Variants in MAGI1 observed in about 807,000 individuals in gnomAD.
The protein encoded by MAGI1 is membrane-associated guanylate kinase, WW and PDZ domain-containing protein 1.
In MAGI1, 58 loss-of-function variants were observed where a neutral mutation model predicts 139.9. That is an observed-to-expected ratio of 0.41 (90% CI 0.34 to 0.52). The LOEUF (loss-of-function observed/expected upper bound fraction) is 0.52, where lower values mean the gene tolerates loss of function less well. MAGI1 is among the 20% of genes least tolerant of loss of function. The pLI, the probability that MAGI1 is intolerant of heterozygous loss-of-function variation, is 0.12. For synonymous variants in MAGI1, 812 were observed against 737.9 expected (o/e 1.10, Z -1.63); for missense variants, 1,874 against 1,901.6 (o/e 0.99, Z 0.27).
At chr3:65,512,767 A>G (rs1309767687) in intron 2 of MAGI1, among the ~76,000 whole-genome samples, 30 of 148,160 alleles carry the variant, frequency 2.0e-4, no homozygotes, top group African/African-American at 7.1e-4. Flanking sequence ...AACTATTCCA[A>G]TCAATAGAAA....
In MAGI1 at chr3:65,637,354, A is replaced by T. The variant is rs909393600; in HGVS notation, c.314-15266T>A. 2.6e-5 allele frequency among the ~76,000 whole-genome samples: 4 copies of T among 152,142 alleles called. No homozygotes were observed. In the East Asian group the frequency reaches 7.8e-4, roughly 30 times the overall value. ...GATCACTTGACCCCAGGAGTTCAAG[A>T]CCAGCCTTGGCAACATGGCACAACC... On this transcript the variant is annotated intron_variant, in intron 1 of 22. Transcript: ENST00000402939.
chr3:65,690,229 C>T (rs1206018988), intron 1 of MAGI1, among the ~76,000 whole-genome samples: 1 of 152,190 alleles, frequency 6.6e-6, no homozygotes, highest in South Asian at 2.1e-4. Context: ...AAATATATTC[C>T]TTGAGAATCA....
At chr3:65,994,911 CT>C (rs1390560837) in intron 1 of MAGI1, among the ~76,000 whole-genome samples, 2 of 152,204 alleles carry the variant, frequency 1.3e-5, no homozygotes, top group African/African-American at 4.8e-5. Context: ...CTCCATTCCT[CT>C]TTCCTCTGTC....
chr3:65,536,153 T>G (rs1054758661), intron 2 of MAGI1, among the ~76,000 whole-genome samples: 3 of 152,208 alleles, frequency 2.0e-5, no homozygotes, highest in African/African-American at 7.2e-5. Context: ...TGATTTGGTG[T>G]CTGTTACATA....
At chr3:65,560,038 A>G (rs1286063157) in intron 2 of MAGI1, among the ~76,000 whole-genome samples, 1 of 152,202 alleles carries the variant, frequency 6.6e-6, no homozygotes, top group East Asian at 1.9e-4. Flanking sequence ...CCTGTCTCGA[A>G]AAACAAACAA....
intron 1 of MAGI1, among the ~76,000 whole-genome samples, chr3:65,878,593 C>T (rs553776484): frequency 2.0e-5 from 3 of 151,402 alleles, no homozygotes; most frequent in South Asian, 4.2e-4. Flanking sequence ...TTATTCTCTA[C>T]CATCCTCGAA....
At chr3:66,007,641 A>G (rs1031974619) in intron 1 of MAGI1, among the ~76,000 whole-genome samples, 1 of 152,192 alleles carries the variant, frequency 6.6e-6, no homozygotes, top group African/African-American at 2.4e-5. Context: ...CTTCCGAGGA[A>G]ACATTTCAGG....
At chr3:66,016,337 C>T (rs113886629) in intron 1 of MAGI1, among the ~76,000 whole-genome samples, 12 of 152,196 alleles carry the variant, frequency 7.9e-5, no homozygotes, top group African/African-American at 2.6e-4. Context: ...GTACCCAAGG[C>T]CACATAGCAA....
At chr3:65,849,022 T>C (rs113911056) in intron 1 of MAGI1, among the ~76,000 whole-genome samples, 2 of 127,054 alleles carry the variant, frequency 1.6e-5, no homozygotes, top group Non-Finnish European at 3.3e-5. Context: ...TTTTTTTTTT[T>C]TTTTTTTTTT....
chr3:65,801,852 GCCTGCTAGGAAC>G lies in MAGI1; in HGVS notation c.314-179776_314-179765del, dbSNP rs2040534701. Among the ~76,000 whole-genome samples, 4 of 152,212 alleles carry G rather than the reference GCCTGCTAGGAAC, an allele frequency of 2.6e-5. 1 individual carries two copies. In the South Asian group the frequency reaches 8.3e-4, roughly 32 times the overall value. ...GGCCACAGACTGCTACCAGTCCATG[GCCTGCTAGGAAC>G]CCAGCCACACAGCAGGATGGGGGCA... On this transcript the variant is annotated intron_variant, in intron 1 of 22. Coordinates refer to ENST00000402939, the MANE Select transcript of MAGI1 (RefSeq NM_001033057.2).
intron 2 of MAGI1, among the ~76,000 whole-genome samples, chr3:65,505,487 T>A (rs1481610871): frequency 6.6e-6 from 1 of 151,664 alleles, no homozygotes; most frequent in Non-Finnish European, 1.5e-5. Flanking sequence ...CTAAAAAAAT[T>A]TTTTTAAATT....
At chr3:66,007,888 T>A (rs1056106899) in intron 1 of MAGI1, among the ~76,000 whole-genome samples, 24 of 147,716 alleles carry the variant, frequency 1.6e-4, no homozygotes, top group African/African-American at 6.1e-4. Context: ...TCTGGCTCCA[T>A]AGATTTTTTT....
At chr3:65,616,504 T>G (rs2083377649) in intron 2 of MAGI1, among the ~76,000 whole-genome samples, 1 of 151,690 alleles carries the variant, frequency 6.6e-6, no homozygotes, top group Non-Finnish European at 1.5e-5. Context: ...TAGAGAGAGA[T>G]ATCATGACAG....
intron 1 of MAGI1, among the ~76,000 whole-genome samples, chr3:65,701,620 G>C (rs777676278): frequency 6.6e-6 from 1 of 151,944 alleles, no homozygotes; most frequent in South Asian, 2.1e-4. Flanking sequence ...GCTCCCTTGA[G>C]CTTCCAAGAC....
At chr3:65,866,571 T>C (rs1406221572) in intron 1 of MAGI1, among the ~76,000 whole-genome samples, 3 of 152,024 alleles carry the variant, frequency 2.0e-5, no homozygotes, top group African/African-American at 4.8e-5. Context: ...AATGACAGAC[T>C]AACCTGTATA....
At chr3:65,561,749 A>C (rs564113269) in intron 2 of MAGI1, among the ~76,000 whole-genome samples, 1 of 152,328 alleles carries the variant, frequency 6.6e-6, no homozygotes, top group South Asian at 2.1e-4. Context: ...TCTTAAATCA[A>C]GCCATTGCTT....
At chr3:65,798,395 C>T (rs774132609) in intron 1 of MAGI1, among the ~76,000 whole-genome samples, 22 of 152,190 alleles carry the variant, frequency 1.4e-4, no homozygotes, top group Admixed American at 1.2e-3. Flanking sequence ...TTTCTTCCTC[C>T]CGGGAAACAT....
intron 1 of MAGI1, among the ~76,000 whole-genome samples, chr3:65,667,676 A>G (rs1188161130): frequency 6.6e-6 from 1 of 152,092 alleles, no homozygotes; most frequent in East Asian, 1.9e-4. Context: ...GGCTCAAGTG[A>G]TCCTCCCTCC....
rs1559642233 is a variant in MAGI1 at position 65,530,662 on chromosome 3, T to TATAC, written c.431-37032_431-37031insGTAT. 1.0e-2 allele frequency among the ~76,000 whole-genome samples: 1,258 copies of TATAC among 126,412 alleles called. 45 individuals are homozygous for TATAC. The highest frequency in any genetic ancestry group is 0.04 in the African/African-American group (1,190 of 30,002). 82.9% of individuals were successfully genotyped at this position (126,412 alleles called of 152,430 possible). A position where few individuals can be genotyped will look rare whatever the true frequency, so the allele number is the denominator to read the frequency against. ...GTGTGTGTGTGTGTGTGTGTGTGTG[T>TATAC]ATATATATATACATATATATATACG... On this transcript the variant is annotated intron_variant, in intron 2 of 22. Coordinates refer to ENST00000402939, the MANE Select transcript of MAGI1 (RefSeq NM_001033057.2).
Sources: gnomAD v4.1 joint callset for allele counts (sites outside exome capture counted in the v4.1 genomes callset) on GRCh38, gnomAD v4.1.1 for gene constraint, MANE v1.5 for transcripts, NCBI Gene and HGNC (gene_info 2026-07-23, HGNC 2026-07-21) for gene names.